Variants in OTUD7A observed in about 807,000 individuals in gnomAD.
The protein encoded by OTUD7A is OTU domain-containing protein 7A.
In OTUD7A, 12 loss-of-function variants were observed where a neutral mutation model predicts 65.7. The ratio of observed to expected loss-of-function variants is 0.18; its 90% CI spans 0.12 to 0.30. The LOEUF (loss-of-function observed/expected upper bound fraction) is 0.30. OTUD7A is among the 10% of genes least tolerant of loss of function. The probability of loss-of-function intolerance (pLI) is 1.00; values close to 1 mark genes in which losing one functional copy is unlikely to be tolerated. For missense variants in OTUD7A, 1,148 were observed against 1,304.8 expected, an observed-to-expected ratio of 0.88 and a Z score of 1.85; for synonymous variants, 641 against 586.3, an observed-to-expected ratio of 1.09 and a Z score of -1.35.
intron 10 of OTUD7A, among the ~76,000 whole-genome samples, chr15:31,500,620 C>CT (rs1431421771): frequency 6.6e-6 from 1 of 152,264 alleles, no homozygotes; most frequent in Non-Finnish European, 1.5e-5. Context: ...TGTCTGTGTC[C>CT]TTTCCTTCCC....
intron 8 of OTUD7A, among the ~76,000 whole-genome samples, chr15:31,515,561 T>A (rs2041833291): frequency 6.6e-6 from 1 of 152,036 alleles, no homozygotes; most frequent in South Asian, 2.1e-4. Flanking sequence ...AACCTATCCA[T>A]CCTTCTTCCT....
chr15:31,651,453 A>C (rs1422418582), intron 3 of OTUD7A, among the ~76,000 whole-genome samples: 1 of 152,108 alleles, frequency 6.6e-6, no homozygotes, highest in African/African-American at 2.4e-5. Flanking sequence ...TAACCTTTTG[A>C]ATAGTCTTCG....
intron 1 of OTUD7A, among the ~76,000 whole-genome samples, chr15:31,674,940 G>A (rs534232721): frequency 3.9e-5 from 6 of 152,222 alleles, no homozygotes; most frequent in South Asian, 2.1e-4. Context: ...TGCACCAGCC[G>A]TAGACAGTCC....
chr15:31,483,176 G>T lies in OTUD7A; in HGVS notation c.*118C>A. The T allele has an allele frequency of 1.1e-6, 1 of 936,920 alleles. No homozygotes were observed. Among genetic ancestry groups the T allele is most frequent in the Non-Finnish European group, 1.3e-6 (1 of 776,412 alleles). 58.0% of individuals were successfully genotyped at this position (936,920 alleles called of 1,614,324 possible). On this transcript the variant is annotated 3_prime_UTR_variant, in exon 13 of 13. Transcript: ENST00000307050. Reference sequence around the variant, plus strand: ...GAACGTTTGACCAAACACGTACACGGCACTGACAGAGGAGGCGCCGGCCTT... The same window carrying T: ...GAACGTTTGACCAAACACGTACACGTCACTGACAGAGGAGGCGCCGGCCTT...
chr15:31,503,364 AGGACAT>A (rs1319132421), intron 9 of OTUD7A, among the ~76,000 whole-genome samples: 1 of 152,212 alleles, frequency 6.6e-6, no homozygotes, highest in East Asian at 1.9e-4. Flanking sequence ...GAGTGCCTCC[AGGACAT>A]GGCCCAGGGC....
chr15:31,825,747 A>T (rs1403256486), intron 1 of OTUD7A, among the ~76,000 whole-genome samples: 1 of 152,220 alleles, frequency 6.6e-6, no homozygotes, highest in East Asian at 1.9e-4. Context: ...AATCAAAAGC[A>T]AGCTACTTAT....
In OTUD7A at chr15:31,603,321, C is replaced by A. The variant is rs1364820677; in HGVS notation, c.152-33124G>T. On this transcript the variant is annotated intron_variant, in intron 3 of 12. Coordinates refer to ENST00000307050, the MANE Select transcript of OTUD7A (RefSeq NM_001382637.1). ...TACAACCATCTGATCTTTGACAAAC[C>A]AGACATAAACAAGCAATGGGGAAAG... is the stretch of plus-strand genomic sequence containing the variant. Among the ~76,000 whole-genome samples, 7 of 152,156 alleles carry A rather than the reference C, an allele frequency of 4.6e-5. No homozygotes were observed. In the East Asian group the frequency reaches 1.3e-3, roughly 29 times the overall value.
intron 1 of OTUD7A, among the ~76,000 whole-genome samples, chr15:31,694,255 G>C (rs1287670498): frequency 6.6e-6 from 1 of 152,086 alleles, no homozygotes; most frequent in Non-Finnish European, 1.5e-5. Flanking sequence ...CCTCGGCTGG[G>C]GGCCTCCTCC....
chr15:31,760,493 G>C (rs1452132858), intron 1 of OTUD7A, among the ~76,000 whole-genome samples: 2 of 152,152 alleles, frequency 1.3e-5, no homozygotes, highest in Admixed American at 6.6e-5. Context: ...ACTGGAATTA[G>C]AATTTTAGTT....
At position 31,610,593 on chromosome 15, in the gene OTUD7A, TTATA is replaced by T. The variant is rs1244768576; in HGVS notation, c.152-40400_152-40397del. 4.8e-4 allele frequency among the ~76,000 whole-genome samples: 39 copies of T among 81,010 alleles called. 1 individual carries two copies. Among genetic ancestry groups the T allele is most frequent in the African/African-American group, 1.3e-3 (21 of 16,756 alleles). The allele number at this position is 81,010 out of a possible 152,430, so 53.1% of individuals were successfully genotyped here. ...CTCAATAAATTTAAGAAAAATGAAA[TTATA>T]TATATATATATATATATATATTTTT... On this transcript the variant is annotated intron_variant, in intron 3 of 12. Coordinates refer to ENST00000307050, the MANE Select transcript of OTUD7A (RefSeq NM_001382637.1).
intron 1 of OTUD7A, among the ~76,000 whole-genome samples, chr15:31,797,908 G>T (rs775500036): frequency 6.6e-6 from 1 of 152,136 alleles, no homozygotes; most frequent in Admixed American, 6.5e-5. Context: ...CATTCACTTT[G>T]CACCGTTCTG....
chr15:31,617,606 C>A (rs1890631994), intron 3 of OTUD7A, among the ~76,000 whole-genome samples: 1 of 152,022 alleles, frequency 6.6e-6, no homozygotes, highest in Non-Finnish European at 1.5e-5. Context: ...TCCATGTATA[C>A]AAAGCTTAAG....
chr15:31,738,742 G>A (rs1346237730), intron 1 of OTUD7A, among the ~76,000 whole-genome samples: 1 of 152,182 alleles, frequency 6.6e-6, no homozygotes, highest in East Asian at 1.9e-4. Flanking sequence ...CAAAATGATT[G>A]TTTCTTGGGA....
Position 31,794,634 on chromosome 15 carries a change from A to G in OTUD7A, c.-100+75873T>C, listed in dbSNP as rs569338318. ...TAAAGGCCGGGAATAGAATAGTGAA[A>G]AAAAAAAAAAAAATCCTAACTTTAT... On this transcript the variant is annotated intron_variant, in intron 1 of 12. Coordinates refer to ENST00000307050, the MANE Select transcript of OTUD7A (RefSeq NM_001382637.1). Among the ~76,000 whole-genome samples the G allele has an allele frequency of 8.4e-5, 12 of 143,330 alleles. No homozygotes were observed. The East Asian group carries it at 9.8e-4, about 12-fold the overall frequency. The allele number at this position is 143,330 out of a possible 152,430, so 94.0% of individuals were successfully genotyped here.
At chr15:31,798,389 C>T (rs1406128041) in intron 1 of OTUD7A, among the ~76,000 whole-genome samples, 1 of 152,182 alleles carries the variant, frequency 6.6e-6, no homozygotes, top group African/African-American at 2.4e-5. Context: ...GATGCCCCCT[C>T]ATGCTTGCTG....
intron 3 of OTUD7A, among the ~76,000 whole-genome samples, chr15:31,645,468 T>C (rs375673024): frequency 2.6e-5 from 4 of 152,306 alleles, no homozygotes; most frequent in South Asian, 4.1e-4. Flanking sequence ...AATCAACTCA[T>C]GGATAATATT....
chr15:31,531,061 C>G (rs1443938569), intron 5 of OTUD7A, among the ~76,000 whole-genome samples: 1 of 152,186 alleles, frequency 6.6e-6, no homozygotes, highest in East Asian at 1.9e-4. Context: ...CTCCTTGAAT[C>G]TGGAAACGTA....
chr15:31,834,991 C>T (rs1897020245), intron 1 of OTUD7A, among the ~76,000 whole-genome samples: 1 of 152,190 alleles, frequency 6.6e-6, no homozygotes, highest in South Asian at 2.1e-4. Context: ...GGGTGTAACA[C>T]CCCATCCCCC....
At chr15:31,581,615 G>A (rs1889374046) in intron 3 of OTUD7A, among the ~76,000 whole-genome samples, 1 of 152,354 alleles carries the variant, frequency 6.6e-6, no homozygotes, top group East Asian at 1.9e-4. Context: ...AGCTGCCAAG[G>A]CTTGGGACTT....
Sources: gnomAD v4.1 joint callset for allele counts (sites outside exome capture counted in the v4.1 genomes callset) on GRCh38, gnomAD v4.1.1 for gene constraint, MANE v1.5 for transcripts, NCBI Gene and HGNC (gene_info 2026-07-23, HGNC 2026-07-21) for gene names.